The following SPATA16 variants were observed in gnomAD, a reference collection of about 807,000 sequenced individuals.
The protein encoded by SPATA16 is spermatogenesis associated 16.
Under a neutral mutation model 63.3 loss-of-function variants are expected in SPATA16, and 36 were observed. The ratio of observed to expected loss-of-function variants is 0.57; its 90% CI spans 0.44 to 0.75. The LOEUF (loss-of-function observed/expected upper bound fraction) is 0.75. Among genes scored for constraint, SPATA16 ranks in the 30% least tolerant of loss-of-function variants. The pLI is 0.00. For missense variants in SPATA16, 646 were observed against 679.3 expected, an observed-to-expected ratio of 0.95 and a Z score of 0.54; for synonymous variants, 203 against 216.7, an observed-to-expected ratio of 0.94 and a Z score of 0.56.
intron 10 of SPATA16, among the ~76,000 whole-genome samples, chr3:172,892,545 T>G (rs1293467140): frequency 6.6e-6 from 1 of 152,200 alleles, no homozygotes; most frequent in East Asian, 1.9e-4. Flanking sequence ...AGTAAGTCAA[T>G]TTTAGCTTCT....
At chr3:173,076,402 T>G (rs1736804369) in intron 2 of SPATA16, among the ~76,000 whole-genome samples, 1 of 152,100 alleles carries the variant, frequency 6.6e-6, no homozygotes, top group East Asian at 1.9e-4. Flanking sequence ...TAAAATTTTT[T>G]TTTTTTAAAT....
intron 2 of SPATA16, among the ~76,000 whole-genome samples, chr3:173,051,263 C>T (rs1462810507): frequency 2.6e-5 from 4 of 152,142 alleles, no homozygotes; most frequent in South Asian, 2.1e-4. Context: ...AGTGTAGTGG[C>T]GCGATCTCTC....
chr3:173,056,023 G>T (rs964838595), intron 2 of SPATA16, among the ~76,000 whole-genome samples: 1 of 152,028 alleles, frequency 6.6e-6, no homozygotes, highest in Non-Finnish European at 1.5e-5. Context: ...AGGATAAATC[G>T]TATCTAAAGG....
chr3:172,955,287 A>G (rs1351528065), intron 6 of SPATA16, among the ~76,000 whole-genome samples: 1 of 152,116 alleles, frequency 6.6e-6, no homozygotes, highest in African/African-American at 2.4e-5. Context: ...CTTCGTTACC[A>G]ATGGATCTGG....
In SPATA16 at chr3:172,994,886, T is replaced by G. The variant is rs572829458; in HGVS notation, c.849-17834A>C. Among the ~76,000 whole-genome samples the G allele has an allele frequency of 1.4e-4, 22 of 152,248 alleles. No individual in the cohort carries two copies. In the South Asian group the frequency reaches 4.6e-3, roughly 32 times the overall value. On this transcript the variant is annotated intron_variant, in intron 4 of 10. Coordinates refer to ENST00000351008, the MANE Select transcript of SPATA16 (RefSeq NM_031955.6). Reference sequence around the variant, plus strand: ...CCCTTATGTTAGGCAGTTAGAATACTTGAGAGTTAAGTTTTTGAGACCAGT... The same window carrying G: ...CCCTTATGTTAGGCAGTTAGAATACGTGAGAGTTAAGTTTTTGAGACCAGT...
chr3:173,134,791 T>A (rs926554484), intron 1 of SPATA16, among the ~76,000 whole-genome samples: 2 of 152,096 alleles, frequency 1.3e-5, no homozygotes, highest in African/African-American at 4.8e-5. Context: ...CTGGCCTAAA[T>A]CAAATGCAGC....
At chr3:173,074,410 T>C (rs1420681714) in intron 2 of SPATA16, among the ~76,000 whole-genome samples, 1 of 152,120 alleles carries the variant, frequency 6.6e-6, no homozygotes, top group Non-Finnish European at 1.5e-5. Context: ...GGGAGATAAT[T>C]GAATCATGGG....
chr3:173,071,222 C>T (rs960764936), intron 2 of SPATA16, among the ~76,000 whole-genome samples: 2 of 152,154 alleles, frequency 1.3e-5, no homozygotes, highest in African/African-American at 4.8e-5. Context: ...AGGATGGTCT[C>T]TTCAATAAAT....
chr3:172,951,239 C>T (rs529909702), intron 6 of SPATA16, among the ~76,000 whole-genome samples: 2 of 151,930 alleles, frequency 1.3e-5, no homozygotes, highest in Admixed American at 1.3e-4. Flanking sequence ...TACAATACAG[C>T]TCTATTATAA....
intron 4 of SPATA16, among the ~76,000 whole-genome samples, chr3:172,997,262 A>G (rs1009348737): frequency 6.6e-5 from 10 of 151,950 alleles, no homozygotes; most frequent in Non-Finnish European, 7.4e-5. Flanking sequence ...CCCACCAGCA[A>G]TGAAGCATTT....
chr3:173,105,249 A>G (rs1201273628), intron 2 of SPATA16, among the ~76,000 whole-genome samples: 1 of 152,220 alleles, frequency 6.6e-6, no homozygotes, highest in Admixed American at 6.5e-5. Flanking sequence ...CCAACTTTTC[A>G]GGTCAAAACT....
Position 173,083,797 on chromosome 3 carries a change from T to G in SPATA16, c.612+33323A>C, listed in dbSNP as rs144386442. Among the ~76,000 whole-genome samples the G allele has an allele frequency of 2.9e-4, 44 of 152,324 alleles. No individual in the cohort carries two copies. In the East Asian group the frequency reaches 7.3e-3, roughly 25 times the overall value. ...GAATAATGGCTTCCAGCTCCATCCA[T>G]GTCCCTGCAAAGAACATGATCTCAT... On this transcript the variant is annotated intron_variant, in intron 2 of 10. Coordinates refer to ENST00000351008, the MANE Select transcript of SPATA16 (RefSeq NM_031955.6).
intron 8 of SPATA16, among the ~76,000 whole-genome samples, chr3:172,920,778 T>C (rs1200833278): frequency 6.6e-6 from 1 of 152,324 alleles, no homozygotes; most frequent in Middle Eastern, 3.4e-3. Flanking sequence ...GTTTAAGTAT[T>C]GTTTAGAAAT....
At chr3:172,905,085 C>A (rs1410178361) in intron 10 of SPATA16, among the ~76,000 whole-genome samples, 1 of 152,106 alleles carries the variant, frequency 6.6e-6, no homozygotes, top group African/African-American at 2.4e-5. Flanking sequence ...ACTTAGGTTT[C>A]TTTCCCTGCA....
intron 10 of SPATA16, among the ~76,000 whole-genome samples, chr3:172,911,729 ATTCTTAACCT>A (rs1489769307): frequency 6.6e-6 from 1 of 152,132 alleles, no homozygotes; most frequent in Non-Finnish European, 1.5e-5. Context: ...TCTAGGCATC[ATTCTTAACCT>A]TTTCTTTTCT....
intron 10 of SPATA16, among the ~76,000 whole-genome samples, chr3:172,902,873 A>C (rs1732151237): frequency 6.6e-6 from 1 of 152,202 alleles, no homozygotes; most frequent in South Asian, 2.1e-4. Context: ...TTTTAAGAAA[A>C]TCATAATCAG....
rs375391027 is a variant in SPATA16 at position 173,106,615 on chromosome 3, T to C, written c.612+10505A>G. On this transcript the variant is annotated intron_variant, in intron 2 of 10. Transcript: ENST00000351008. ...ACTCACCTATTGCCTTCAACACCAATTCCAATGTCCTCTTCCTGGTTTAGA... is the reference window on the plus strand; with the variant it reads ...ACTCACCTATTGCCTTCAACACCAACTCCAATGTCCTCTTCCTGGTTTAGA... Among the ~76,000 whole-genome samples the C allele has an allele frequency of 4.6e-5, 7 of 152,314 alleles. No individual in the cohort carries two copies. In the East Asian group the frequency reaches 7.7e-4, roughly 17 times the overall value.
intron 1 of SPATA16, among the ~76,000 whole-genome samples, chr3:173,130,454 G>A (rs951259223): frequency 1.4e-5 from 2 of 147,714 alleles, no homozygotes; most frequent in African/African-American, 2.5e-5. Flanking sequence ...TTTTATAATC[G>A]TTTACAGTGC....
chr3:172,959,264 G>A (rs747903223), intron 5 of SPATA16, among the ~76,000 whole-genome samples: 5 of 152,186 alleles, frequency 3.3e-5, no homozygotes, highest in Non-Finnish European at 5.9e-5. Context: ...GGGATGGTAA[G>A]ACTCGTGCCC....
Sources: allele counts gnomAD v4.1 joint callset (sites outside exome capture counted in the v4.1 genomes callset), GRCh38; gene constraint gnomAD v4.1.1; transcripts MANE v1.5; gene names NCBI Gene and HGNC (gene_info 2026-07-23, HGNC 2026-07-21).